The following RB1 variants were observed in gnomAD, a reference collection of about 807,000 sequenced individuals.
The protein encoded by RB1 is retinoblastoma-associated protein.
In RB1, 18 loss-of-function variants were observed where a neutral mutation model predicts 135.4. That is an observed-to-expected ratio of 0.13 (90% CI 0.09 to 0.20). The LOEUF (loss-of-function observed/expected upper bound fraction) is 0.20, where lower values mean the gene tolerates loss of function less well. Among genes scored for constraint, RB1 ranks in the 10% least tolerant of loss-of-function variants. RB1 has a pLI of 1.00. For synonymous variants in RB1, 365 were observed against 373.2 expected (o/e 0.98, Z 0.25); for missense variants, 868 against 1,110.0 (o/e 0.78, Z 3.10).
At chr13:48,447,768 T>C (rs753073436) in intron 17 of RB1, among the ~76,000 whole-genome samples, 9 of 152,160 alleles carry the variant, frequency 5.9e-5, no homozygotes, top group Non-Finnish European at 1.2e-4. Context: ...GACATACTCA[T>C]CATCATAAAC....
intron 17 of RB1, among the ~76,000 whole-genome samples, chr13:48,446,468 C>T (rs186882683): frequency 1.8e-4 from 28 of 151,980 alleles, no homozygotes; most frequent in African/African-American, 6.5e-4. Flanking sequence ...TTGCTAGTAG[C>T]GAGATAATAA....
chr13:48,393,541 G>A (rs1439041681), intron 17 of RB1, among the ~76,000 whole-genome samples: 4 of 152,152 alleles, frequency 2.6e-5, no homozygotes, highest in Non-Finnish European at 4.4e-5. Flanking sequence ...TTGTTTAAAC[G>A]AATCTGGTCC....
At chr13:48,344,952 C>T (rs900376429) in intron 3 of RB1, 128 bp from the exon 4 acceptor site, 5 of 1,171,172 alleles carry the variant, frequency 4.3e-6, no homozygotes, top group Admixed American at 2.7e-5. Context: ...TAATTCCTTC[C>T]AAAGGATATA....
intron 2 of RB1, 112 bp from the exon 3 acceptor site, chr13:48,342,487 A>G: frequency 1.4e-6 from 1 of 713,072 alleles, no homozygotes; most frequent in Non-Finnish European, 2.5e-6. Context: ...AGTATTACAA[A>G]CATTTATTTT....
intron 8 of RB1, among the ~76,000 whole-genome samples, chr13:48,363,204 G>GTTT (rs11332935): frequency 2.1e-5 from 3 of 141,746 alleles, no homozygotes; most frequent in Admixed American, 7.0e-5. Context: ...TTCAAATGTA[G>GTTT]TTTTTTTTTT....
At position 48,303,815 on chromosome 13, in the gene RB1, G is replaced by A. The variant is rs925207403; in HGVS notation, c.-98G>A. ...GGGACGTTGAAATTATTTTTGTAAC[G>A]GGAGTCGGGAGAGGACGGGGCGTGC... On this transcript the variant is annotated 5_prime_UTR_variant, in exon 1 of 27. Transcript: ENST00000267163. 4.9e-6 allele frequency: 7 copies of A among 1,441,934 alleles called. No individual in the cohort carries two copies. In the Admixed American group the frequency reaches 1.5e-4, roughly 31 times the overall value. The allele number at this position is 1,441,934 out of a possible 1,614,324, so 89.3% of individuals were successfully genotyped here.
chr13:48,336,812 G>T (rs1012654074), intron 2 of RB1, among the ~76,000 whole-genome samples: 6 of 151,822 alleles, frequency 4.0e-5, no homozygotes, highest in Admixed American at 2.6e-4. Flanking sequence ...TTCTCTTGTG[G>T]GCATTTAGTG....
At chr13:48,348,356 G>A (rs545092382) in intron 5 of RB1, among the ~76,000 whole-genome samples, 3 of 151,940 alleles carry the variant, frequency 2.0e-5, no homozygotes, top group African/African-American at 4.8e-5. Flanking sequence ...CCTCATTGGA[G>A]TAGTATTGAA....
At chr13:48,321,316 T>C (rs1952236938) in intron 2 of RB1, among the ~76,000 whole-genome samples, 1 of 150,052 alleles carries the variant, frequency 6.7e-6, no homozygotes, top group African/African-American at 2.4e-5. Context: ...TTATTTCACT[T>C]AGCATAATGG....
At chr13:48,452,386 T>C (rs1949333078) in intron 17 of RB1, among the ~76,000 whole-genome samples, 1 of 152,174 alleles carries the variant, frequency 6.6e-6, no homozygotes, top group South Asian at 2.1e-4. Context: ...GTTGCAGGAC[T>C]ATGTAAGTTA....
At chr13:48,334,634 T>G (rs1952367131) in intron 2 of RB1, among the ~76,000 whole-genome samples, 1 of 152,232 alleles carries the variant, frequency 6.6e-6, no homozygotes, top group African/African-American at 2.4e-5. Flanking sequence ...TATTTTTAAC[T>G]TTTGAAATTG....
chr13:48,371,805 G>T (rs951501625), intron 11 of RB1, among the ~76,000 whole-genome samples: 1 of 152,070 alleles, frequency 6.6e-6, no homozygotes, highest in Admixed American at 6.6e-5. Flanking sequence ...CCCAATTCCC[G>T]GGCCAGAGAC....
At chr13:48,306,055 A>T (rs1952077886) in intron 1 of RB1, among the ~76,000 whole-genome samples, 1 of 152,148 alleles carries the variant, frequency 6.6e-6, no homozygotes, top group African/African-American at 2.4e-5. Context: ...GGATCACATG[A>T]GCTTGGGAGT....
chr13:48,364,531 C>G (rs1371330360), intron 8 of RB1, among the ~76,000 whole-genome samples: 1 of 152,018 alleles, frequency 6.6e-6, no homozygotes. Context: ...TGAATTCAAT[C>G]TTTATGTTAT....
chr13:48,346,628 T>C (rs1459226676), intron 4 of RB1, among the ~76,000 whole-genome samples: 1 of 151,922 alleles, frequency 6.6e-6, no homozygotes, highest in Non-Finnish European at 1.5e-5. Context: ...ATATTAAACA[T>C]ATCTAAACAT....
At chr13:48,353,050 G>T (rs1325292770) in intron 6 of RB1, among the ~76,000 whole-genome samples, 1 of 151,990 alleles carries the variant, frequency 6.6e-6, no homozygotes, top group African/African-American at 2.4e-5. Context: ...GTATCTTAAA[G>T]AAGTACAAAA....
chr13:48,402,002 C>T (rs1211673170), intron 17 of RB1, among the ~76,000 whole-genome samples: 2 of 151,976 alleles, frequency 1.3e-5, no homozygotes, highest in African/African-American at 4.8e-5. Context: ...TTTAAATTTA[C>T]ATATTAAGTA....
At chr13:48,368,679 G>A (rs1442076381) in intron 11 of RB1, 75 bp downstream of exon 11, 9 of 1,546,572 alleles carry the variant, frequency 5.8e-6, no homozygotes, top group East Asian at 2.5e-5. Flanking sequence ...ATTTGTTCAC[G>A]TTTCTTTATG....
rs140118141 is a variant in RB1, at chr13:48,350,053, A to G, written c.607+1030A>G. 5.5e-3 allele frequency among the ~76,000 whole-genome samples: 844 copies of G among 152,302 alleles called. 5 individuals are homozygous for G. Among genetic ancestry groups the G allele is most frequent in the Middle Eastern group, 0.01 (3 of 294 alleles). On this transcript the variant is annotated intron_variant, in intron 6 of 26. Transcript: ENST00000267163. ...CCAGATATATAAAGCAAATATTATT[A>G]GAGCTAAAGAGAGACATAGGCCCCA...
Sources: gnomAD v4.1 joint callset for allele counts (sites outside exome capture counted in the v4.1 genomes callset) on GRCh38, gnomAD v4.1.1 for gene constraint, MANE v1.5 for transcripts, NCBI Gene and HGNC (gene_info 2026-07-23, HGNC 2026-07-21) for gene names.